The following CNTN4 variants were observed in gnomAD, a reference collection of about 807,000 sequenced individuals.
CNTN4 encodes contactin-4.
Under a neutral mutation model 122.5 loss-of-function variants are expected in CNTN4, and 77 were observed. That is an observed-to-expected ratio of 0.63 (90% CI 0.52 to 0.76). The LOEUF (loss-of-function observed/expected upper bound fraction) is 0.76. CNTN4 is among the 30% of genes least tolerant of loss of function. The probability of loss-of-function intolerance (pLI) is 0.00; values close to 1 mark genes in which losing one functional copy is unlikely to be tolerated. For synonymous variants in CNTN4, 512 were observed against 447.0 expected (o/e 1.15, Z -1.83); for missense variants, 1,256 against 1,259.1 (o/e 1.00, Z 0.04).
intron 2 of CNTN4, among the ~76,000 whole-genome samples, chr3:2,233,630 T>C (rs2039571240): frequency 6.6e-6 from 1 of 152,172 alleles, no homozygotes; most frequent in Non-Finnish European, 1.5e-5. Flanking sequence ...TTCTTGGTGC[T>C]AATTTCAGTG....
chr3:2,511,674 CTG>C (rs1159305155), intron 3 of CNTN4: 1 of 152,232 alleles, frequency 6.6e-6, no homozygotes, highest in African/African-American at 2.4e-5. Context: ...TAAAGCGAAA[CTG>C]GGACATTTTA....
chr3:2,414,333 A>C (rs2047336096), intron 3 of CNTN4, among the ~76,000 whole-genome samples: 1 of 152,218 alleles, frequency 6.6e-6, no homozygotes, highest in African/African-American at 2.4e-5. Context: ...CGCTTAGTAG[A>C]TCCCACATAA....
chr3:2,433,257 G>A (rs1289045338), intron 3 of CNTN4, among the ~76,000 whole-genome samples: 3 of 152,240 alleles, frequency 2.0e-5, no homozygotes, highest in African/African-American at 7.2e-5. Flanking sequence ...ACATTCCCAT[G>A]AATAGTGCAC....
chr3:3,034,891 A>C, intron 17 of CNTN4, 101 bp downstream of exon 17: 3 of 1,213,672 alleles, frequency 2.5e-6, no homozygotes, highest in Non-Finnish European at 3.7e-6. Context: ...ACACTACTAC[A>C]AATGATATAT....
chr3:2,659,735 A>G (rs2083783175), intron 4 of CNTN4, among the ~76,000 whole-genome samples: 1 of 152,164 alleles, frequency 6.6e-6, no homozygotes, highest in South Asian at 2.1e-4. Flanking sequence ...TATGCTTTAC[A>G]ATTTGTCATA....
intron 6 of CNTN4, among the ~76,000 whole-genome samples, chr3:2,804,622 A>G (rs1204637771): frequency 6.6e-6 from 1 of 152,220 alleles, no homozygotes; most frequent in Non-Finnish European, 1.5e-5. Context: ...CTAACATACA[A>G]CTAAGCAAGG....
intron 13 of CNTN4, among the ~76,000 whole-genome samples, chr3:2,948,257 C>T (rs1210383016): frequency 6.6e-6 from 1 of 152,154 alleles, no homozygotes; most frequent in African/African-American, 2.4e-5. Context: ...CCCCATTAAA[C>T]TATAGACCTG....
intron 8 of CNTN4, among the ~76,000 whole-genome samples, chr3:2,880,232 C>T (rs1056996167): frequency 2.0e-5 from 3 of 152,158 alleles, no homozygotes; most frequent in Non-Finnish European, 4.4e-5. Flanking sequence ...TGGGAAAAAA[C>T]CTGACCACTT....
intron 7 of CNTN4, among the ~76,000 whole-genome samples, chr3:2,834,574 A>C (rs13086027): frequency 0.19 from 29,169 of 152,156 alleles, 3,542 homozygotes; most frequent in Non-Finnish European, 0.27. Flanking sequence ...CTCAAAAAAC[A>C]AACAAACTAC....
chr3:2,969,111 G>C (rs1031958807), intron 13 of CNTN4, among the ~76,000 whole-genome samples: 2 of 152,160 alleles, frequency 1.3e-5, no homozygotes, highest in Non-Finnish European at 2.9e-5. Context: ...AAGGGAATCT[G>C]CTGACTCACG....
chr3:2,216,263 T>C (rs2038837366), intron 2 of CNTN4, among the ~76,000 whole-genome samples: 1 of 152,208 alleles, frequency 6.6e-6, no homozygotes, highest in African/African-American at 2.4e-5. Context: ...GAGGCTATTA[T>C]CATCAGCAAA....
intron 2 of CNTN4, among the ~76,000 whole-genome samples, chr3:2,125,562 CTTTTT>C (rs201659840): frequency 8.1e-6 from 1 of 124,012 alleles, no homozygotes; most frequent in Non-Finnish European, 1.7e-5. Flanking sequence ...TTTTCTTTTT[CTTTTT>C]TTTTTTTTTT....
chr3:2,581,575 A>C (rs13087628), intron 4 of CNTN4, among the ~76,000 whole-genome samples: 15,842 of 152,234 alleles, frequency 0.1, 1,111 homozygotes, highest in Non-Finnish European at 0.15. Flanking sequence ...AGACACCTTC[A>C]TAGAGGAGAG....
At chr3:2,341,515 GT>G (rs1414487235) in intron 3 of CNTN4, among the ~76,000 whole-genome samples, 1 of 152,136 alleles carries the variant, frequency 6.6e-6, no homozygotes, top group Non-Finnish European at 1.5e-5. Context: ...TAAAATTTAA[GT>G]TGTTGAAACT....
intron 14 of CNTN4, among the ~76,000 whole-genome samples, chr3:3,006,853 C>G (rs776025374): frequency 1.7e-4 from 26 of 152,200 alleles, no homozygotes; most frequent in African/African-American, 2.7e-4. Flanking sequence ...AGAATTTTCT[C>G]TGTCAAACAT....
At chr3:2,452,572 G>A (rs754180671) in intron 3 of CNTN4, among the ~76,000 whole-genome samples, 4 of 152,148 alleles carry the variant, frequency 2.6e-5, no homozygotes, top group Non-Finnish European at 5.9e-5. Flanking sequence ...AGGTGGAGGA[G>A]GGCATGCGCA....
intron 4 of CNTN4, among the ~76,000 whole-genome samples, chr3:2,668,703 C>T (rs2084317676): frequency 6.6e-6 from 1 of 152,144 alleles, no homozygotes; most frequent in African/African-American, 2.4e-5. Flanking sequence ...AGTTTTTGCC[C>T]ATTCAGTATG....
At chr3:2,840,516 C>A (rs369293767) in intron 7 of CNTN4, among the ~76,000 whole-genome samples, 5 of 116,634 alleles carry the variant, frequency 4.3e-5, no homozygotes, top group Non-Finnish European at 9.1e-5. Flanking sequence ...CTGGCTAACA[C>A]GGTGAAACCC....
Position 3,037,159 on chromosome 3 carries a change from C to T in CNTN4, c.1943-20C>T. On this transcript the variant is annotated intron_variant, in intron 17 of 24. Coordinates refer to ENST00000418658, the MANE Select transcript of CNTN4 (RefSeq NM_175607.3). ...TTCTGAGAACCTATGAAACAGCCCC[C>T]ACCTTTTGTTGTCTTTCAGTCCCAG... is the stretch of plus-strand genomic sequence containing the variant. The T allele has an allele frequency of 1.9e-6, 3 of 1,614,090 alleles. No individual in the cohort carries two copies. The highest frequency in any genetic ancestry group is 2.5e-6 in the Non-Finnish European group (3 of 1,179,950).
Sources: allele counts gnomAD v4.1 joint callset (sites outside exome capture counted in the v4.1 genomes callset), GRCh38; gene constraint gnomAD v4.1.1; transcripts MANE v1.5; gene names NCBI Gene and HGNC (gene_info 2026-07-23, HGNC 2026-07-21).